The following TTC28 variants were observed in gnomAD, a reference collection of about 807,000 sequenced individuals.
TTC28 encodes the protein tetratricopeptide repeat domain 28.
A neutral mutation model predicts 198.0 loss-of-function variants in TTC28; 61 were observed. The ratio of observed to expected loss-of-function variants is 0.31; its 90% CI spans 0.25 to 0.38. TTC28 has a LOEUF of 0.38. Ranked by LOEUF, TTC28 falls within the 10% of genes least tolerant of loss-of-function variation. TTC28 has a pLI of 1.00. For missense variants in TTC28, 2,678 were observed against 3,164.0 expected (o/e 0.85, Z 3.69); for synonymous variants, 1,171 against 1,297.8 (o/e 0.90, Z 2.10).
chr22:28,611,510 T>TTAA (rs1465964787), intron 2 of TTC28, among the ~76,000 whole-genome samples: 1 of 125,144 alleles, frequency 8.0e-6, no homozygotes, highest in Non-Finnish European at 1.8e-5. Context: ...TTTTAATTTT[T>TTAA]TTTTTTTTTT....
At chr22:28,452,115 C>T (rs1355946507) in intron 2 of TTC28, among the ~76,000 whole-genome samples, 2 of 151,936 alleles carry the variant, frequency 1.3e-5, no homozygotes, top group African/African-American at 4.8e-5. Flanking sequence ...GCTGGCCAGG[C>T]GCGATGGCTC....
intron 2 of TTC28, among the ~76,000 whole-genome samples, chr22:28,518,148 G>GA (rs2048828659): frequency 6.6e-6 from 1 of 151,996 alleles, no homozygotes; most frequent in East Asian, 1.9e-4. Context: ...ATTCTTAGCA[G>GA]AAATCTTAAA....
rs530422547 is a variant in TTC28 at position 28,245,812 on chromosome 22, G to A, written c.933+50386C>T. ...GAACAAAGGTCAAGCTCTTCAACCT[G>A]GCCAGTAAGACCTTTCACAATCAGG... On this transcript the variant is annotated intron_variant, in intron 5 of 22. Coordinates refer to ENST00000397906, the MANE Select transcript of TTC28 (RefSeq NM_001145418.2). Among the ~76,000 whole-genome samples, 59 of 152,222 alleles carry A rather than the reference G, an allele frequency of 3.9e-4. 1 individual carries two copies. The South Asian group carries it at 0.011, about 29-fold the overall frequency.
At chr22:28,511,886 T>C (rs1260145654) in intron 2 of TTC28, among the ~76,000 whole-genome samples, 1 of 151,400 alleles carries the variant, frequency 6.6e-6, no homozygotes, top group Non-Finnish European at 1.5e-5. Context: ...AATACCATAA[T>C]TCAAGACATA....
chr22:28,011,586 ACT>A (rs1938169625), intron 14 of TTC28, among the ~76,000 whole-genome samples: 2 of 152,002 alleles, frequency 1.3e-5, no homozygotes, highest in Non-Finnish European at 2.9e-5. Flanking sequence ...ACAGAGCAAG[ACT>A]CTGTCTTAAA....
intron 2 of TTC28, among the ~76,000 whole-genome samples, chr22:28,388,271 G>A (rs979895244): frequency 6.6e-6 from 1 of 152,212 alleles, no homozygotes; most frequent in Non-Finnish European, 1.5e-5. Flanking sequence ...TTTGAAGTCA[G>A]GTAGTGTGAT....
rs71316840 is a variant in TTC28 at position 28,466,820 on chromosome 22, T to TACATAC, written c.382-160178_382-160177insGTATGT. 1.9e-3 allele frequency among the ~76,000 whole-genome samples: 272 copies of TACATAC among 143,914 alleles called. 1 individual carries two copies. Among genetic ancestry groups the TACATAC allele is most frequent in the African/African-American group, 4.6e-3 (176 of 38,560 alleles). 94.4% of individuals were successfully genotyped at this position (143,914 alleles called of 152,430 possible). Reference sequence around the variant, plus strand: ...AGTATTCTCACATTATATACATACATACACACACACACACACACACACACA... The same window carrying TACATAC: ...AGTATTCTCACATTATATACATACATACATACACACACACACACACACACACACACA... On this transcript the variant is annotated intron_variant, in intron 2 of 22. Transcript: ENST00000397906.
intron 21 of TTC28, chr22:27,986,534 T>TG (rs1937221631): frequency 6.6e-6 from 1 of 152,204 alleles, no homozygotes. Flanking sequence ...TTGAGAGCAC[T>TG]GGGTAGATCA....
At chr22:28,408,198 T>C (rs995242362) in intron 2 of TTC28, among the ~76,000 whole-genome samples, 1 of 152,162 alleles carries the variant, frequency 6.6e-6, no homozygotes, top group African/African-American at 2.4e-5. Context: ...AACATCACTA[T>C]TTTATGTGGC....
intron 16 of TTC28, among the ~76,000 whole-genome samples, chr22:27,996,831 A>G (rs1273362742): frequency 1.3e-5 from 2 of 152,254 alleles, no homozygotes; most frequent in African/African-American, 2.4e-5. Context: ...CCCCCAGATC[A>G]TGTAGGGAAA....
intron 2 of TTC28, among the ~76,000 whole-genome samples, chr22:28,345,372 C>T (rs906407203): frequency 6.6e-6 from 1 of 152,122 alleles, no homozygotes; most frequent in Non-Finnish European, 1.5e-5. Context: ...CCTAAAAATT[C>T]TTATACAGTG....
At chr22:28,533,603 A>T (rs1291005917) in intron 2 of TTC28, among the ~76,000 whole-genome samples, 3 of 152,212 alleles carry the variant, frequency 2.0e-5, no homozygotes, top group Non-Finnish European at 4.4e-5. Flanking sequence ...CATTGCCAAG[A>T]CAATCCTAAG....
chr22:28,193,197 G>T (rs553534174), intron 5 of TTC28, among the ~76,000 whole-genome samples: 3 of 152,266 alleles, frequency 2.0e-5, no homozygotes, highest in Admixed American at 6.5e-5. Context: ...GCTTCATTAA[G>T]TGAAGGAGAA....
rs530693611 is a variant in TTC28 at position 28,451,736 on chromosome 22, T to C, written c.382-145093A>G. On this transcript the variant is annotated intron_variant, in intron 2 of 22. Transcript: ENST00000397906. Reference sequence around the variant, plus strand: ...GTTAGTCTTCATCATAACAATGCTATGACTATGTTATAAATTTTCTTATAT... The same window carrying C: ...GTTAGTCTTCATCATAACAATGCTACGACTATGTTATAAATTTTCTTATAT... Among the ~76,000 whole-genome samples the C allele has an allele frequency of 6.6e-5, 10 of 152,358 alleles. No individual in the cohort carries two copies. The South Asian group carries it at 1.2e-3, about 19-fold the overall frequency.
intron 2 of TTC28, among the ~76,000 whole-genome samples, chr22:28,598,648 C>G (rs1443949334): frequency 6.6e-6 from 1 of 151,276 alleles, no homozygotes; most frequent in Non-Finnish European, 1.5e-5. Context: ...ACGGTGATGA[C>G]ATATATGGCA....
intron 2 of TTC28, among the ~76,000 whole-genome samples, chr22:28,538,582 CAG>C (rs1312570269): frequency 8.5e-6 from 1 of 117,870 alleles, no homozygotes; most frequent in Non-Finnish European, 1.7e-5. Flanking sequence ...TTTTTTGAGA[CAG>C]AGTCTCTCTC....
At chr22:28,675,735 T>TCACTCA (rs1555910098) in intron 1 of TTC28, among the ~76,000 whole-genome samples, 5 of 135,118 alleles carry the variant, frequency 3.7e-5, no homozygotes, top group Non-Finnish European at 6.3e-5. Flanking sequence ...TGAAACCCTG[T>TCACTCA]CACACACACA....
intron 5 of TTC28, among the ~76,000 whole-genome samples, chr22:28,234,015 T>C (rs1435201528): frequency 6.6e-6 from 1 of 151,942 alleles, no homozygotes; most frequent in Non-Finnish European, 1.5e-5. Context: ...CACGCTGTTC[T>C]CCTGCCTCAG....
intron 5 of TTC28, among the ~76,000 whole-genome samples, chr22:28,281,117 T>C (rs1488615002): frequency 6.6e-5 from 10 of 152,172 alleles, no homozygotes; most frequent in Non-Finnish European, 1.5e-4. Flanking sequence ...GGTGTTAGAA[T>C]CTGTAAATTT....
Sources: gnomAD v4.1 joint callset for allele counts (sites outside exome capture counted in the v4.1 genomes callset) on GRCh38, gnomAD v4.1.1 for gene constraint, MANE v1.5 for transcripts, NCBI Gene and HGNC (gene_info 2026-07-23, HGNC 2026-07-21) for gene names.